ITGAX: variants seen among roughly 807,000 people sequenced by gnomAD.
ITGAX encodes the protein integrin alpha-X.
Under a neutral mutation model 140.2 loss-of-function variants are expected in ITGAX, and 99 were observed. That is an observed-to-expected ratio of 0.71 (90% CI 0.60 to 0.83). The LOEUF (loss-of-function observed/expected upper bound fraction) is 0.83, where lower values mean the gene tolerates loss of function less well. ITGAX is among the 40% of genes least tolerant of loss of function. The pLI, the probability that ITGAX is intolerant of heterozygous loss-of-function variation, is 0.00. For synonymous variants in ITGAX, 631 were observed against 600.4 expected, an observed-to-expected ratio of 1.05 and a Z score of -0.75; for missense variants, 1,444 against 1,482.0, an observed-to-expected ratio of 0.97 and a Z score of 0.42.
intron 14 of ITGAX, among the ~76,000 whole-genome samples, chr16:31,369,300 C>A (rs76775767): frequency 8.1e-5 from 11 of 135,956 alleles, no homozygotes; most frequent in South Asian, 2.5e-4. Context: ...CCCCCCCCCC[C>A]ACCTCCCTCC....
intron 4 of ITGAX, 54 bp downstream of exon 4, chr16:31,357,155 GC>G (rs2080770573): frequency 1.9e-6 from 3 of 1,571,880 alleles, no homozygotes; most frequent in Non-Finnish European, 2.6e-6. Context: ...AGGAGCCGGG[GC>G]CGCGGGGGGC....
At chr16:31,373,146 T>C (rs2080988130) in intron 19 of ITGAX, 103 bp from the exon 20 acceptor site, 2 of 771,196 alleles carry the variant, frequency 2.6e-6, no homozygotes, top group Admixed American at 2.6e-5. Flanking sequence ...CAGGGGTCCG[T>C]CCCCTGTCTA....
Position 31,382,614 on chromosome 16 carries a change from A to G in ITGAX, c.*707A>G. Reference sequence around the variant, plus strand: ...GTTTCCAGTGAATTAGTGTCATGTCAGCATCAGCTCAGGGCTTCATCGTGG... The same window carrying G: ...GTTTCCAGTGAATTAGTGTCATGTCGGCATCAGCTCAGGGCTTCATCGTGG... On this transcript the variant is annotated 3_prime_UTR_variant, in exon 30 of 30. Coordinates refer to ENST00000268296, the MANE Select transcript of ITGAX (RefSeq NM_000887.5). 1 of 701,678 alleles carries G rather than the reference A, an allele frequency of 1.4e-6. No homozygotes were observed. Among genetic ancestry groups the G allele is most frequent in the South Asian group, 1.5e-5 (1 of 66,938 alleles). 43.5% of individuals were successfully genotyped at this position (701,678 alleles called of 1,614,324 possible).
At chr16:31,369,495 A>G (rs1209213461) in intron 14 of ITGAX, among the ~76,000 whole-genome samples, 1 of 152,224 alleles carries the variant, frequency 6.6e-6, no homozygotes, top group Admixed American at 6.5e-5. Context: ...CCAGGCAGCA[A>G]ACTTCCTCAC....
At chr16:31,360,915 C>G (rs536866765) in intron 8 of ITGAX, 148 bp from the exon 9 acceptor site, 3 of 733,728 alleles carry the variant, frequency 4.1e-6, no homozygotes, top group Non-Finnish European at 6.8e-6. Context: ...CTCCTAAACT[C>G]CCTGATGCTG....
intron 21 of ITGAX, 25 bp from the exon 22 acceptor site, chr16:31,376,975 T>G: frequency 1.9e-6 from 3 of 1,614,008 alleles, no homozygotes; most frequent in Non-Finnish European, 2.5e-6. Flanking sequence ...TACTGCTCTG[T>G]GACCTCTCAG....
In ITGAX at chr16:31,381,936, C is replaced by T. The variant is rs754222829; in HGVS notation, c.*29C>T. 2.7e-6 allele frequency: 3 copies of T among 1,101,726 alleles called. No homozygotes were observed. The highest frequency in any genetic ancestry group is 1.2e-5 in the South Asian group (1 of 80,752). The allele number at this position is 1,101,726 out of a possible 1,614,324, so 68.2% of individuals were successfully genotyped here. ...CCTCTTTGCCTTGGACTTCTTCTCCCCCGCGAGTTTTCCCCACTTACTTAC... is the reference window on the plus strand; with the variant it reads ...CCTCTTTGCCTTGGACTTCTTCTCCTCCGCGAGTTTTCCCCACTTACTTAC... On this transcript the variant is annotated 3_prime_UTR_variant, in exon 30 of 30. Coordinates refer to ENST00000268296, the MANE Select transcript of ITGAX (RefSeq NM_000887.5).
At chr16:31,361,703 G>A in intron 9 of ITGAX, 133 bp from the exon 10 acceptor site, 1 of 1,011,470 alleles carries the variant, frequency 9.9e-7, no homozygotes, top group Non-Finnish European at 1.5e-6. Context: ...CTGGAGGGCA[G>A]AGCCTGGTCC....
At chr16:31,364,784 A>G (rs7203472) in intron 14 of ITGAX, among the ~76,000 whole-genome samples, 104,157 of 150,836 alleles carry the variant, frequency 0.69, 36,308 homozygotes, top group Middle Eastern at 0.89. Flanking sequence ...AGGCCGAGGC[A>G]GGTGGATAAC....
rs760969099 is a variant in ITGAX, at chr16:31,382,529, A to G, written c.*622A>G. ...AGCTTCGCGTGAGAAGTCCCCTTCC[A>G]TCCCAGAGGGTGGGCTTCAGGGCGC... On this transcript the variant is annotated 3_prime_UTR_variant, in exon 30 of 30. Transcript: ENST00000268296. 168 of 1,246,770 alleles carry G rather than the reference A, an allele frequency of 1.3e-4. No individual in the cohort carries two copies. Among genetic ancestry groups the G allele is most frequent in the Non-Finnish European group, 1.8e-4 (158 of 883,072 alleles). 77.2% of individuals were successfully genotyped at this position (1,246,770 alleles called of 1,614,324 possible). A position where few individuals can be genotyped will look rare whatever the true frequency, so the allele number is the denominator to read the frequency against.
intron 1 of ITGAX, 140 bp downstream of exon 1, chr16:31,355,431 T>C: frequency 1.2e-6 from 1 of 862,590 alleles, no homozygotes; most frequent in Non-Finnish European, 1.8e-6. Context: ...GGCAGGCACA[T>C]AGGGTCTGAG....
intron 14 of ITGAX, among the ~76,000 whole-genome samples, chr16:31,366,783 T>G (rs571796272): frequency 6.6e-6 from 1 of 152,236 alleles, no homozygotes; most frequent in Admixed American, 6.5e-5. Context: ...CCCAAAGCAC[T>G]GGGATTACAG....
chr16:31,356,942 G>A (rs895129466), intron 3 of ITGAX, 89 bp from the exon 4 acceptor site: 2 of 1,165,452 alleles, frequency 1.7e-6, no homozygotes, highest in African/African-American at 3.1e-5. Context: ...AGACCTCCTT[G>A]TCTCCCAGGT....
intron 23 of ITGAX, among the ~76,000 whole-genome samples, chr16:31,378,661 G>A (rs796071746): frequency 1.4e-4 from 21 of 151,882 alleles, no homozygotes; most frequent in African/African-American, 4.8e-4. Flanking sequence ...TTGGAGAGAT[G>A]GGGTCTTGCT....
Position 31,363,678 on chromosome 16 carries a change from C to T in ITGAX, c.1710+304C>T, listed in dbSNP as rs552276933. ...TAGGCTGGTCTTGAACTCCTGACCT[C>T]AGGTGATCTGCCTGTCTCGGCCTCC... On this transcript the variant is annotated intron_variant, in intron 14 of 29. Transcript: ENST00000268296. Among the ~76,000 whole-genome samples the T allele has an allele frequency of 2.0e-5, 3 of 152,372 alleles. No individual in the cohort carries two copies. In the East Asian group the frequency reaches 5.8e-4, roughly 29 times the overall value.
intron 26 of ITGAX, 58 bp downstream of exon 26, chr16:31,380,123 C>T (rs1011961703): frequency 2.3e-5 from 36 of 1,573,652 alleles, no homozygotes; most frequent in Non-Finnish European, 3.0e-5. Flanking sequence ...GAATTTAACC[C>T]AGGAGTTCAT....
chr16:31,358,468 G>C (rs896203257), intron 5 of ITGAX: 1 of 152,174 alleles, frequency 6.6e-6, no homozygotes, highest in South Asian at 2.1e-4. Context: ...TTGGCATGCT[G>C]TTACATACCT....
In ITGAX at chr16:31,376,926, C is replaced by T; in HGVS notation, c.2625+11C>T. 1 of 1,613,998 alleles carries T rather than the reference C, an allele frequency of 6.2e-7. No individual in the cohort carries two copies. On this transcript the variant is annotated intron_variant, in intron 21 of 29. Coordinates refer to ENST00000268296, the MANE Select transcript of ITGAX (RefSeq NM_000887.5). The stretch of plus-strand genomic sequence containing the variant: ...CGTGGCGGCGCCCAGGTCAGCCTGG[C>T]TTCTGTCCCCTCACTGCTCCCCTGC...
At chr16:31,361,612 G>A in intron 9 of ITGAX, 1 of 719,772 alleles carries the variant, frequency 1.4e-6, no homozygotes, top group East Asian at 2.5e-5. Context: ...ACCTGTGGGG[G>A]GCCCTGATGA....
Sources: gnomAD v4.1 joint callset for allele counts (sites outside exome capture counted in the v4.1 genomes callset) on GRCh38, gnomAD v4.1.1 for gene constraint, MANE v1.5 for transcripts, NCBI Gene and HGNC (gene_info 2026-07-23, HGNC 2026-07-21) for gene names.